The following SDCCAG8 variants were observed in gnomAD, a reference collection of about 807,000 sequenced individuals.
SDCCAG8 encodes SHH signaling and ciliogenesis regulator SDCCAG8.
A neutral mutation model predicts 101.8 loss-of-function variants in SDCCAG8; 74 were observed. That is an observed-to-expected ratio of 0.73 (90% CI 0.60 to 0.88). The LOEUF is 0.88. SDCCAG8 is among the 40% of genes least tolerant of loss of function. SDCCAG8 has a pLI of 0.00. For missense variants in SDCCAG8, 787 were observed against 822.6 expected (o/e 0.96, Z 0.53); for synonymous variants, 281 against 292.9 (o/e 0.96, Z 0.41).
intron 7 of SDCCAG8, chr1:243,307,491 G>C: frequency 2.0e-6 from 2 of 984,024 alleles, no homozygotes; most frequent in Non-Finnish European, 2.4e-6. Context: ...TAATAAACTA[G>C]TCAAGGATAA....
intron 13 of SDCCAG8, among the ~76,000 whole-genome samples, chr1:243,387,497 T>C (rs1427569848): frequency 1.3e-5 from 2 of 152,202 alleles, no homozygotes; most frequent in African/African-American, 2.4e-5. Flanking sequence ...GGTATTATAC[T>C]GTGACCTACT....
Position 243,499,922 on chromosome 1 carries a change from C to T in SDCCAG8, c.*137C>T. On this transcript the variant is annotated 3_prime_UTR_variant, in exon 18 of 18. Coordinates refer to ENST00000366541, the MANE Select transcript of SDCCAG8 (RefSeq NM_006642.5). ...AGCCTGCAGTGGGGCTGGTCCTCAT[C>T]AACGCGGGCGCTGTCCCCGCACGCA... The T allele has an allele frequency of 1.3e-6, 1 of 799,136 alleles. No individual in the cohort carries two copies. Among genetic ancestry groups the T allele is most frequent in the Non-Finnish European group, 2.1e-6 (1 of 469,330 alleles). 49.5% of individuals were successfully genotyped at this position (799,136 alleles called of 1,614,324 possible).
In SDCCAG8 at chr1:243,378,671, C is replaced by T. The variant is rs778572515; in HGVS notation, c.1474-50C>T. On this transcript the variant is annotated intron_variant, in intron 12 of 17. Coordinates refer to ENST00000366541, the MANE Select transcript of SDCCAG8 (RefSeq NM_006642.5). ...AATAAAAATGAGCTAATTTTGAATTCAAGTGCATGTATTTTATATGGATGC... is the reference window on the plus strand; with the variant it reads ...AATAAAAATGAGCTAATTTTGAATTTAAGTGCATGTATTTTATATGGATGC... The T allele has an allele frequency of 8.2e-6, 13 of 1,584,742 alleles. 1 individual carries two copies. In the South Asian group the frequency reaches 1.5e-4, roughly 18 times the overall value.
chr1:243,334,135 C>T (rs762517539), intron 10 of SDCCAG8, among the ~76,000 whole-genome samples: 1 of 152,248 alleles, frequency 6.6e-6, no homozygotes, highest in African/African-American at 2.4e-5. Flanking sequence ...AAGACTTAAG[C>T]CCCTGAGCAT....
intron 13 of SDCCAG8, among the ~76,000 whole-genome samples, chr1:243,380,524 G>T (rs537782391): frequency 2.6e-5 from 4 of 152,148 alleles, no homozygotes; most frequent in Non-Finnish European, 5.9e-5. Context: ...GTCAAAGTCC[G>T]TAGAGAGTTT....
intron 16 of SDCCAG8, among the ~76,000 whole-genome samples, chr1:243,483,264 C>T (rs1664121080): frequency 6.6e-6 from 1 of 152,058 alleles, no homozygotes; most frequent in Non-Finnish European, 1.5e-5. Context: ...GCGGCGTGTC[C>T]CTGCCTCCCG....
chr1:243,436,755 T>G (rs1250204346), intron 16 of SDCCAG8, among the ~76,000 whole-genome samples: 1 of 152,216 alleles, frequency 6.6e-6, no homozygotes, highest in East Asian at 1.9e-4. Context: ...TTTATAATGT[T>G]TATTATTTTT....
intron 17 of SDCCAG8, among the ~76,000 whole-genome samples, chr1:243,495,647 G>A (rs968316684): frequency 1.8e-4 from 27 of 152,222 alleles, no homozygotes; most frequent in African/African-American, 6.3e-4. Context: ...GCAGGGGCCT[G>A]AGGGTGGCTG....
At chr1:243,493,567 A>G (rs545071888) in intron 17 of SDCCAG8, among the ~76,000 whole-genome samples, 21 of 152,126 alleles carry the variant, frequency 1.4e-4, no homozygotes, top group Admixed American at 1.2e-3. Context: ...TTCTGTCTGC[A>G]GTGTTCAATC....
chr1:243,481,621 A>G (rs568140538), intron 16 of SDCCAG8, among the ~76,000 whole-genome samples: 31 of 152,224 alleles, frequency 2.0e-4, no homozygotes, highest in African/African-American at 7.2e-4. Flanking sequence ...AATGTTCTTC[A>G]TTTCCATGAG....
At chr1:243,469,908 T>C (rs914921575) in intron 16 of SDCCAG8, among the ~76,000 whole-genome samples, 2 of 149,002 alleles carry the variant, frequency 1.3e-5, no homozygotes, top group Non-Finnish European at 3.0e-5. Flanking sequence ...TACCTATCTC[T>C]CAGAGTTTCT....
chr1:243,301,153 A>T lies in SDCCAG8; in HGVS notation c.676-3560A>T, dbSNP rs376160457. Among the ~76,000 whole-genome samples the T allele has an allele frequency of 2.0e-5, 3 of 152,368 alleles. No homozygotes were observed. The South Asian group carries it at 6.2e-4, about 32-fold the overall frequency. On this transcript the variant is annotated intron_variant, in intron 6 of 17. Transcript: ENST00000366541. Reference sequence around the variant, plus strand: ...GGAATGCAAAAAAACATAAAGATGCAGTATTAAATTATAACAGCATAAAGT... The same window carrying T: ...GGAATGCAAAAAAACATAAAGATGCTGTATTAAATTATAACAGCATAAAGT...
intron 17 of SDCCAG8, among the ~76,000 whole-genome samples, chr1:243,493,617 T>C (rs1434557539): frequency 6.6e-6 from 1 of 152,028 alleles, no homozygotes; most frequent in Non-Finnish European, 1.5e-5. Context: ...TATGAATCAC[T>C]TACAGTTTAG....
At chr1:243,343,160 C>G (rs1344188912) in intron 11 of SDCCAG8, among the ~76,000 whole-genome samples, 7 of 152,164 alleles carry the variant, frequency 4.6e-5, no homozygotes, top group Admixed American at 4.6e-4. Context: ...TTAGTCTATT[C>G]TAATACCTCA....
At chr1:243,442,285 T>C (rs2082589993) in intron 16 of SDCCAG8, among the ~76,000 whole-genome samples, 2 of 152,296 alleles carry the variant, frequency 1.3e-5, no homozygotes, top group Middle Eastern at 3.4e-3. Flanking sequence ...TGGTTGTAAT[T>C]GAACAATAAA....
At chr1:243,333,133 A>C (rs551820073) in intron 10 of SDCCAG8, among the ~76,000 whole-genome samples, 2 of 152,298 alleles carry the variant, frequency 1.3e-5, no homozygotes, top group East Asian at 3.9e-4. Flanking sequence ...ATTCCAACCC[A>C]GTCTGAATGG....
intron 16 of SDCCAG8, among the ~76,000 whole-genome samples, chr1:243,427,349 A>C (rs2081406313): frequency 6.6e-6 from 1 of 151,988 alleles, no homozygotes; most frequent in Non-Finnish European, 1.5e-5. Context: ...TTTTGGCAAT[A>C]AACACAGCCT....
intron 16 of SDCCAG8, among the ~76,000 whole-genome samples, chr1:243,448,026 C>G (rs1030240527): frequency 6.6e-6 from 1 of 152,142 alleles, no homozygotes; most frequent in African/African-American, 2.4e-5. Flanking sequence ...CTTTATTTCC[C>G]TTATAGCATA....
At chr1:243,380,767 T>C (rs573050354) in intron 13 of SDCCAG8, among the ~76,000 whole-genome samples, 1 of 152,194 alleles carries the variant, frequency 6.6e-6, no homozygotes, top group African/African-American at 2.4e-5. Flanking sequence ...ATTTTCTAAG[T>C]GCGGTACTCT....
Sources: allele counts gnomAD v4.1 joint callset (sites outside exome capture counted in the v4.1 genomes callset), GRCh38; gene constraint gnomAD v4.1.1; transcripts MANE v1.5; gene names NCBI Gene and HGNC (gene_info 2026-07-23, HGNC 2026-07-21).